The following NTRK3 variants were observed in gnomAD, a reference collection of about 807,000 sequenced individuals.
NTRK3 encodes the protein neurotrophic receptor tyrosine kinase 3.
NTRK3 carries 24 observed loss-of-function variants against 91.7 expected under a neutral mutation model. The observed-to-expected ratio is 0.26, with a 90% CI of 0.19 to 0.37. The LOEUF is 0.37. Ranked by LOEUF, NTRK3 falls within the 10% of genes least tolerant of loss-of-function variation. The probability of loss-of-function intolerance (pLI) is 1.00; values close to 1 mark genes in which losing one functional copy is unlikely to be tolerated. For synonymous variants in NTRK3, 483 were observed against 404.0 expected (o/e 1.20, Z -2.34); for missense variants, 880 against 1,068.9 (o/e 0.82, Z 2.46).
chr15:88,053,899 C>A (rs1301781456), intron 13 of NTRK3, among the ~76,000 whole-genome samples: 3 of 152,314 alleles, frequency 2.0e-5, no homozygotes, highest in Non-Finnish European at 4.4e-5. Context: ...GCCTCAAGTT[C>A]TCTTCCCTGA....
At chr15:87,972,818 G>T (rs141153036) in intron 14 of NTRK3, among the ~76,000 whole-genome samples, 2 of 152,084 alleles carry the variant, frequency 1.3e-5, no homozygotes, top group African/African-American at 4.8e-5. Flanking sequence ...CAACCCTGCC[G>T]TTTTCCTCTA....
At chr15:88,224,803 G>C (rs2080980093) in intron 3 of NTRK3, among the ~76,000 whole-genome samples, 1 of 152,160 alleles carries the variant, frequency 6.6e-6, no homozygotes, top group South Asian at 2.1e-4. Flanking sequence ...TCTTGTTAGG[G>C]AGGCAGCTAC....
At chr15:88,006,206 C>T (rs529116154) in intron 14 of NTRK3, among the ~76,000 whole-genome samples, 1 of 152,308 alleles carries the variant, frequency 6.6e-6, no homozygotes, top group African/African-American at 2.4e-5. Flanking sequence ...AAAATTTTTC[C>T]CACAACCTCT....
chr15:87,984,490 T>G (rs2074565504), intron 14 of NTRK3, among the ~76,000 whole-genome samples: 1 of 152,234 alleles, frequency 6.6e-6, no homozygotes, highest in Non-Finnish European at 1.5e-5. Context: ...TCGGATTCAA[T>G]AAAAGGATGG....
chr15:88,087,636 G>A (rs767831812), intron 13 of NTRK3, among the ~76,000 whole-genome samples: 1 of 152,202 alleles, frequency 6.6e-6, no homozygotes, highest in Non-Finnish European at 1.5e-5. Flanking sequence ...GGACTTATGA[G>A]GGCTTCCCAC....
At chr15:88,149,585 A>G (rs1398567601) in intron 5 of NTRK3, among the ~76,000 whole-genome samples, 2 of 152,136 alleles carry the variant, frequency 1.3e-5, no homozygotes. Context: ...TTATTCCTAC[A>G]AACTTCCACT....
chr15:87,973,923 G>A (rs1444157730), intron 14 of NTRK3, among the ~76,000 whole-genome samples: 1 of 152,202 alleles, frequency 6.6e-6, no homozygotes, highest in Non-Finnish European at 1.5e-5. Context: ...GAGCACAGGA[G>A]TCAGTAAACC....
At chr15:88,209,277 T>C (rs58419415) in intron 3 of NTRK3, among the ~76,000 whole-genome samples, 8,326 of 152,210 alleles carry the variant, frequency 0.055, 715 homozygotes, top group African/African-American at 0.18. Flanking sequence ...GAGATGATGT[T>C]TGGCCAGCTG....
intron 17 of NTRK3, among the ~76,000 whole-genome samples, chr15:87,923,322 A>G (rs1298340414): frequency 6.6e-6 from 1 of 152,148 alleles, no homozygotes; most frequent in Non-Finnish European, 1.5e-5. Flanking sequence ...ATTAGTCCCC[A>G]CTTTCAGGCC....
At chr15:88,047,781 T>G (rs1376251156) in intron 13 of NTRK3, among the ~76,000 whole-genome samples, 2 of 152,218 alleles carry the variant, frequency 1.3e-5, no homozygotes, top group Non-Finnish European at 2.9e-5. Context: ...TGTTCCAGCA[T>G]CATCATTAAT....
chr15:88,231,056 A>G (rs1329405210), intron 3 of NTRK3, among the ~76,000 whole-genome samples: 1 of 152,102 alleles, frequency 6.6e-6, no homozygotes, highest in African/African-American at 2.4e-5. Flanking sequence ...TAGAGGGAGG[A>G]TGTCTTGCTC....
rs1029037556 is a variant in NTRK3 at position 88,233,932 on chromosome 15, A to G, written c.248+21974T>C. ...TGGTAAATGTTGAGTCCCACTAGAC[A>G]TGCGTTGTTTCCTCTTTAATATTTA... On this transcript the variant is annotated intron_variant, in intron 3 of 18. Coordinates refer to ENST00000394480, the Ensembl canonical transcript of NTRK3. This position sits in a 1 kb window ranked among gnomAD's most constrained non-coding sequence, Gnocchi z 4.2. Among the ~76,000 whole-genome samples the G allele has an allele frequency of 6.6e-6, 1 of 152,244 alleles. No homozygotes were observed. Among genetic ancestry groups the G allele is most frequent in the African/African-American group, 2.4e-5 (1 of 41,466 alleles).
At chr15:88,250,551 C>T (rs1312332436) in intron 3 of NTRK3, among the ~76,000 whole-genome samples, 1 of 152,180 alleles carries the variant, frequency 6.6e-6, no homozygotes, top group Non-Finnish European at 1.5e-5. Context: ...TGCGAGGGGG[C>T]TTTTGGGCCT....
chr15:87,940,486 C>T (rs895417152), intron 15 of NTRK3, 137 bp downstream of exon 15: 5 of 1,403,462 alleles, frequency 3.6e-6, no homozygotes, highest in Non-Finnish European at 5.0e-6. Flanking sequence ...ACTTCATTGA[C>T]CTCGGAGCAA....
intron 17 of NTRK3, chr15:87,925,420 G>A (rs72756144): frequency 4.0e-4 from 71 of 178,368 alleles, no homozygotes; most frequent in Non-Finnish European, 6.3e-4. Flanking sequence ...ATCTGCACTG[G>A]GCAGGCAAGC....
intron 3 of NTRK3, among the ~76,000 whole-genome samples, chr15:88,191,825 G>A (rs543611813): frequency 2.0e-5 from 3 of 152,366 alleles, no homozygotes; most frequent in East Asian, 1.9e-4. Flanking sequence ...GGGAAGGAGC[G>A]CATGGGATCA....
intron 14 of NTRK3, among the ~76,000 whole-genome samples, chr15:88,025,610 C>A (rs2077966851): frequency 6.6e-6 from 1 of 152,142 alleles, no homozygotes; most frequent in African/African-American, 2.4e-5. Context: ...GCAACACCAC[C>A]AGAAACTAGG....
At chr15:87,893,951 C>T (rs925784165) in intron 17 of NTRK3, among the ~76,000 whole-genome samples, 8 of 152,180 alleles carry the variant, frequency 5.3e-5, no homozygotes, top group Non-Finnish European at 1.2e-4. Context: ...GAGGAGACAA[C>T]TCTGAAGAGT....
chr15:87,927,339 T>G (rs1431996650), intron 17 of NTRK3: 1 of 152,276 alleles, frequency 6.6e-6, no homozygotes, highest in Non-Finnish European at 1.5e-5. Context: ...TAAAATGAAG[T>G]ATCTTGACTG....
Sources: allele counts gnomAD v4.1 joint callset (sites outside exome capture counted in the v4.1 genomes callset), GRCh38; gene constraint gnomAD v4.1.1; non-coding constraint Gnocchi (gnomAD v3.1); transcripts MANE v1.5; gene names NCBI Gene and HGNC (gene_info 2026-07-23, HGNC 2026-07-21).